Variants in EPHA5 observed in about 807,000 individuals in gnomAD.
EPHA5 encodes ephrin type-A receptor 5.
EPHA5 carries 60 observed loss-of-function variants against 105.0 expected under a neutral mutation model. That is an observed-to-expected ratio of 0.57 (90% CI 0.46 to 0.71). EPHA5 has a LOEUF of 0.71. Among genes scored for constraint, EPHA5 ranks in the 30% least tolerant of loss-of-function variants. EPHA5 has a pLI of 0.00. For missense variants in EPHA5, 1,218 were observed against 1,274.7 expected, an observed-to-expected ratio of 0.96 and a Z score of 0.68; for synonymous variants, 513 against 449.1, an observed-to-expected ratio of 1.14 and a Z score of -1.80.
chr4:65,510,422 C>G (rs951736455), intron 3 of EPHA5, among the ~76,000 whole-genome samples: 6 of 152,108 alleles, frequency 3.9e-5, no homozygotes, highest in African/African-American at 2.4e-5. Flanking sequence ...CTGTTCCTAG[C>G]TCTTCCAGTC....
Position 65,322,975 on chromosome 4 carries a change from C to T in EPHA5, c.*1139G>A. 1 of 229,050 alleles carries T rather than the reference C, an allele frequency of 4.4e-6. No homozygotes were observed. The highest frequency in any genetic ancestry group is 8.7e-6 in the Non-Finnish European group (1 of 115,336). 14.2% of individuals were successfully genotyped at this position (229,050 alleles called of 1,614,324 possible). A position where few individuals can be genotyped will look rare whatever the true frequency, so the allele number is the denominator to read the frequency against. On this transcript the variant is annotated 3_prime_UTR_variant, in exon 17 of 17. Coordinates refer to ENST00000613740, the MANE Select transcript of EPHA5 (RefSeq NM_001281766.3). The stretch of plus-strand genomic sequence containing the variant: ...CTTCGTGCTATGTGCCTGGATTTAA[C>T]AACATTAACAGAAGCCTGCACAGTT...
intron 10 of EPHA5, 85 bp from the exon 11 acceptor site, chr4:65,365,287 G>T (rs1717760225): frequency 8.9e-7 from 1 of 1,124,284 alleles, no homozygotes; most frequent in Non-Finnish European, 1.3e-6. Context: ...GACTACTAAG[G>T]CTTAGATGAA....
At chr4:65,457,081 A>G (rs915503222) in intron 5 of EPHA5, among the ~76,000 whole-genome samples, 1 of 152,054 alleles carries the variant, frequency 6.6e-6, no homozygotes, top group Non-Finnish European at 1.5e-5. Flanking sequence ...AAAAAAATAG[A>G]CTTTTAATAA....
intron 3 of EPHA5, among the ~76,000 whole-genome samples, chr4:65,562,712 A>G (rs1026199151): frequency 6.6e-6 from 1 of 152,106 alleles, no homozygotes; most frequent in African/African-American, 2.4e-5. Flanking sequence ...AGATTATTGT[A>G]TAGAGCTTCT....
At chr4:65,551,301 TG>T (rs1737898098) in intron 3 of EPHA5, among the ~76,000 whole-genome samples, 1 of 143,778 alleles carries the variant, frequency 7.0e-6, no homozygotes, top group Admixed American at 7.0e-5. Context: ...TATATATATA[TG>T]GAGTCAGCAT....
intron 5 of EPHA5, among the ~76,000 whole-genome samples, chr4:65,485,457 A>G (rs1730788991): frequency 6.6e-6 from 1 of 152,116 alleles, no homozygotes; most frequent in Admixed American, 6.6e-5. Context: ...AACCAATTCT[A>G]GTATTTGACT....
At chr4:65,392,514 A>T (rs1720819190) in intron 8 of EPHA5, among the ~76,000 whole-genome samples, 1 of 152,142 alleles carries the variant, frequency 6.6e-6, no homozygotes, top group Non-Finnish European at 1.5e-5. Context: ...ATAGATGCCA[A>T]ATATATCAAT....
chr4:65,430,368 A>T (rs778899112), intron 5 of EPHA5, among the ~76,000 whole-genome samples: 4 of 152,042 alleles, frequency 2.6e-5, no homozygotes, highest in Non-Finnish European at 5.9e-5. Context: ...TGTATTTTGA[A>T]AAAAACTCAA....
intron 5 of EPHA5, among the ~76,000 whole-genome samples, chr4:65,445,924 A>T (rs1488800500): frequency 6.6e-6 from 1 of 152,162 alleles, no homozygotes; most frequent in Non-Finnish European, 1.5e-5. Context: ...TCTGAAATTG[A>T]ACATTCAAAA....
At chr4:65,372,306 A>T (rs1718555194) in intron 8 of EPHA5, among the ~76,000 whole-genome samples, 1 of 151,980 alleles carries the variant, frequency 6.6e-6, no homozygotes, top group Non-Finnish European at 1.5e-5. Context: ...TCATAAAATA[A>T]ATAAGCATAT....
intron 8 of EPHA5, among the ~76,000 whole-genome samples, chr4:65,368,588 C>T (rs961615457): frequency 1.3e-5 from 2 of 152,136 alleles, no homozygotes; most frequent in Non-Finnish European, 2.9e-5. Context: ...CTCCACATTA[C>T]TATAAGTGCC....
At chr4:65,550,078 G>GA (rs1737750057) in intron 3 of EPHA5, among the ~76,000 whole-genome samples, 1 of 151,252 alleles carries the variant, frequency 6.6e-6, no homozygotes, top group Non-Finnish European at 1.5e-5. Flanking sequence ...AAATCCTTAG[G>GA]AATTTTTTTC....
intron 3 of EPHA5, among the ~76,000 whole-genome samples, chr4:65,584,041 T>C (rs1741894567): frequency 6.6e-6 from 1 of 151,634 alleles, no homozygotes; most frequent in Non-Finnish European, 1.5e-5. Context: ...TTGAAAAAAG[T>C]CAGCTAAAAC....
intron 8 of EPHA5, among the ~76,000 whole-genome samples, chr4:65,401,902 T>TGA (rs1445357655): frequency 9.8e-6 from 1 of 101,620 alleles, no homozygotes; most frequent in Non-Finnish European, 1.8e-5. Flanking sequence ...TATGTGTGTG[T>TGA]GTGAGAGAGA....
At chr4:65,450,510 C>T (rs1726962470) in intron 5 of EPHA5, among the ~76,000 whole-genome samples, 1 of 152,066 alleles carries the variant, frequency 6.6e-6, no homozygotes, top group African/African-American at 2.4e-5. Context: ...AGATCCAGAC[C>T]AATGTAAAAT....
At chr4:65,354,345 T>C (rs904861059) in intron 11 of EPHA5, among the ~76,000 whole-genome samples, 15 of 151,786 alleles carry the variant, frequency 9.9e-5, no homozygotes, top group African/African-American at 2.9e-4. Context: ...TAATACAAGA[T>C]GAAAATTGCA....
At chr4:65,459,789 A>G (rs1381965546) in intron 5 of EPHA5, among the ~76,000 whole-genome samples, 1 of 151,870 alleles carries the variant, frequency 6.6e-6, no homozygotes, top group African/African-American at 2.4e-5. Flanking sequence ...ATTAAAGCCA[A>G]TGAGTCAATA....
chr4:65,401,211 G>C (rs565620057), intron 8 of EPHA5, among the ~76,000 whole-genome samples: 2 of 151,942 alleles, frequency 1.3e-5, no homozygotes, highest in African/African-American at 4.8e-5. Flanking sequence ...ATTTATGTTA[G>C]GTTTTGGCCA....
At chr4:65,484,057 A>C (rs1465406650) in intron 5 of EPHA5, among the ~76,000 whole-genome samples, 2 of 152,196 alleles carry the variant, frequency 1.3e-5, no homozygotes, top group Non-Finnish European at 2.9e-5. Context: ...GTTCAAGTAC[A>C]GGCAATGTGG....
Sources: gnomAD v4.1 joint callset for allele counts (sites outside exome capture counted in the v4.1 genomes callset) on GRCh38, gnomAD v4.1.1 for gene constraint, MANE v1.5 for transcripts, NCBI Gene and HGNC (gene_info 2026-07-23, HGNC 2026-07-21) for gene names.